The following EIF3F variants were observed in gnomAD, a reference collection of about 807,000 sequenced individuals.
EIF3F encodes eukaryotic translation initiation factor 3 subunit F, also known as deubiquitinating enzyme eIF3f.
EIF3F carries 8 observed loss-of-function variants against 36.0 expected under a neutral mutation model. The observed-to-expected ratio is 0.22, with a 90% CI of 0.13 to 0.40. The LOEUF (loss-of-function observed/expected upper bound fraction) is 0.40, where lower values mean the gene tolerates loss of function less well. Ranked by LOEUF, EIF3F falls within the 10% of genes least tolerant of loss-of-function variation. The pLI is 1.00. For missense variants in EIF3F, 430 were observed against 467.6 expected (o/e 0.92, Z 0.74); for synonymous variants, 184 against 188.5 (o/e 0.98, Z 0.19).
rs561835481 is a variant in EIF3F at position 7,995,642 on chromosome 11, T to A, written c.996+275T>A. 4.0e-4 allele frequency: 234 copies of A among 581,200 alleles called. 4 individuals are homozygous for A. The South Asian group carries it at 4.8e-3, about 12-fold the overall frequency. 36.0% of individuals were successfully genotyped at this position (581,200 alleles called of 1,614,324 possible). A position where few individuals can be genotyped will look rare whatever the true frequency, so the allele number is the denominator to read the frequency against. ...TCGTGATGGAAAGAAACACTAAAAT[T>A]CAGAGGTTAATGAAAATGCAATTAC... On this transcript the variant is annotated intron_variant, in intron 7 of 7. Coordinates refer to ENST00000651655, the MANE Select transcript of EIF3F (RefSeq NM_003754.3).
chr11:7,993,956 A>G (rs532076259), intron 4 of EIF3F, among the ~76,000 whole-genome samples: 20 of 146,692 alleles, frequency 1.4e-4, no homozygotes, highest in African/African-American at 4.4e-4. Flanking sequence ...ATCCAGGTAT[A>G]TAATTGACAT....
chr11:7,987,624 T>G lies in EIF3F; in HGVS notation c.272T>G (p.Val91Gly), dbSNP rs1444777685. The G allele has an allele frequency of 7.0e-6, 11 of 1,580,940 alleles. No homozygotes were observed. Among genetic ancestry groups the G allele is most frequent in the Non-Finnish European group, 8.6e-6 (10 of 1,162,020 alleles). ...CCAGGGCCCTTCCCCGGCGGCCGCG[T>G]GGTCAGGCTGCACCCAGTCATTTTG... Reference protein sequence around the residue: ...ALPGPFPGGRVVRLHPVILAS... With the variant: ...ALPGPFPGGRGVRLHPVILAS... The change falls in exon 1 of 8, where the codon GTG becomes GGG. Residue 91 changes from valine (V) to glycine (G), a missense_variant. Val to Gly is a moderately radical substitution (Grantham distance 109). Transcript: ENST00000651655.
Position 8,000,683 on chromosome 11 carries a change from A to G in EIF3F, c.*4661A>G, listed in dbSNP as rs1942211938. On this transcript the variant is annotated 3_prime_UTR_variant, in exon 8 of 8. Coordinates refer to ENST00000651655, the MANE Select transcript of EIF3F (RefSeq NM_003754.3). ...AGATATCAGAATTCTAGAATATGAT[A>G]AAGTTGTGTTTTCAAGCAAGTAAAG... The G allele has an allele frequency of 6.6e-6, 1 of 152,234 alleles. No individual in the cohort carries two copies. 9.4% of individuals were successfully genotyped at this position (152,234 alleles called of 1,614,324 possible). A position where few individuals can be genotyped will look rare whatever the true frequency, so the allele number is the denominator to read the frequency against.
Position 7,999,611 on chromosome 11 carries a change from A to G in EIF3F, c.*3589A>G, listed in dbSNP as rs983556887. The G allele has an allele frequency of 7.2e-5, 11 of 152,244 alleles. No individual in the cohort carries two copies. Among genetic ancestry groups the G allele is most frequent in the African/African-American group, 2.4e-4 (10 of 41,458 alleles). The allele number at this position is 152,244 out of a possible 1,614,324, so 9.4% of individuals were successfully genotyped here. ...ATTATAGAACTGTGTAATTAAAGCA[A>G]TATGGTACTGGTCCATAAAAGAACA... On this transcript the variant is annotated 3_prime_UTR_variant, in exon 8 of 8. Transcript: ENST00000651655.
At chr11:7,994,235 T>G (rs2133673334) in intron 4 of EIF3F, among the ~76,000 whole-genome samples, 191 bp from the exon 5 acceptor site, 1 of 152,284 alleles carries the variant, frequency 6.6e-6, no homozygotes, top group South Asian at 2.1e-4. Context: ...GATCAAGGGT[T>G]TGGTATGTGG....
intron 4 of EIF3F, among the ~76,000 whole-genome samples, chr11:7,994,046 T>C (rs1291932965): frequency 1.3e-5 from 2 of 152,184 alleles, no homozygotes; most frequent in African/African-American, 2.4e-5. Flanking sequence ...CCTTTTTCAA[T>C]GCTGATGAAG....
At chr11:7,989,498 G>A (rs1246043157) in intron 1 of EIF3F, among the ~76,000 whole-genome samples, 6 of 152,108 alleles carry the variant, frequency 3.9e-5, no homozygotes, top group African/African-American at 1.4e-4. Context: ...TATTTCCTTA[G>A]ATATACACAA....
At position 7,998,469 on chromosome 11, in the gene EIF3F, T is replaced by A. The variant is rs1942186905; in HGVS notation, c.*2447T>A. On this transcript the variant is annotated 3_prime_UTR_variant, in exon 8 of 8. Coordinates refer to ENST00000651655, the MANE Select transcript of EIF3F (RefSeq NM_003754.3). ...CACAAAAATGCAAAAGACATGGCAC[T>A]AAATAGACTGAAAAGGATACTTGTT... 6.6e-6 allele frequency: 1 copy of A among 152,176 alleles called. No homozygotes were observed. Among genetic ancestry groups the A allele is most frequent in the Admixed American group, 6.5e-5 (1 of 15,272 alleles). The allele number at this position is 152,176 out of a possible 1,614,324, so 9.4% of individuals were successfully genotyped here. A position where few individuals can be genotyped will look rare whatever the true frequency, so the allele number is the denominator to read the frequency against.
In EIF3F at chr11:7,993,104, C is replaced by T. The variant is rs181448105; in HGVS notation, c.653+80C>T. ...CCCCCACCCCAAGCAAGGTTAATTC[C>T]TTCCATGTGTAACTTGCTGTGTCCT... On this transcript the variant is annotated intron_variant, in intron 4 of 7. Transcript: ENST00000651655. The T allele has an allele frequency of 2.1e-6, 3 of 1,460,744 alleles. No homozygotes were observed. The East Asian group carries it at 7.4e-5, about 36-fold the overall frequency. 90.5% of individuals were successfully genotyped at this position (1,460,744 alleles called of 1,614,324 possible). A position where few individuals can be genotyped will look rare whatever the true frequency, so the allele number is the denominator to read the frequency against.
At chr11:7,989,122 C>T (rs1441832855) in intron 1 of EIF3F, among the ~76,000 whole-genome samples, 2 of 152,220 alleles carry the variant, frequency 1.3e-5, no homozygotes, top group Non-Finnish European at 2.9e-5. Flanking sequence ...GGTCCTCCAT[C>T]CCATACCCGG....
chr11:7,995,810 T>C (rs149521747), intron 7 of EIF3F, 135 bp from the exon 8 acceptor site: 7 of 743,540 alleles, frequency 9.4e-6, no homozygotes, highest in Admixed American at 4.1e-5. Context: ...TTTTGACTTT[T>C]ATTCAGTCTC....
At chr11:7,987,764 A>T (rs891175947) in intron 1 of EIF3F, 48 bp downstream of exon 1, 1 of 1,444,372 alleles carries the variant, frequency 6.9e-7, no homozygotes, top group African/African-American at 1.5e-5. Context: ...CCCACTTCTC[A>T]TTTATCTCAC....
chr11:7,994,693 T>C (rs1942141398), intron 5 of EIF3F, 176 bp downstream of exon 5: 4 of 705,940 alleles, frequency 5.7e-6, no homozygotes, highest in Non-Finnish European at 9.3e-6. Flanking sequence ...AAGGAGTTAT[T>C]TGAGAAACTG....
chr11:7,996,214 A>G lies in EIF3F; in HGVS notation c.*192A>G, dbSNP rs1942157988. The G allele has an allele frequency of 3.6e-6, 2 of 551,458 alleles. No homozygotes were observed. The highest frequency in any genetic ancestry group is 6.3e-5 in the Admixed American group (2 of 31,534). 34.2% of individuals were successfully genotyped at this position (551,458 alleles called of 1,614,324 possible). On this transcript the variant is annotated 3_prime_UTR_variant, in exon 8 of 8. Transcript: ENST00000651655. ...TTATTGCCGGGTGGAAGGGAGGAAA[A>G]TGTTTTAGATCACACAGAAACTAGG...
chr11:8,001,784 A>G lies in EIF3F; in HGVS notation c.*5762A>G, dbSNP rs1942225029. 6.6e-6 allele frequency: 1 copy of G among 152,236 alleles called. No individual in the cohort carries two copies. Among genetic ancestry groups the G allele is most frequent in the South Asian group, 2.1e-4 (1 of 4,838 alleles). The allele number at this position is 152,236 out of a possible 1,614,324, so 9.4% of individuals were successfully genotyped here. On this transcript the variant is annotated 3_prime_UTR_variant, in exon 8 of 8. Transcript: ENST00000651655. ...TTACTTCTTATTGTTTCTTCTGTATAACTTTTGAATTTTATGCTGTTAATG... is the reference window on the plus strand; with the variant it reads ...TTACTTCTTATTGTTTCTTCTGTATGACTTTTGAATTTTATGCTGTTAATG...
chr11:7,991,880 C>T (rs758652319), intron 2 of EIF3F, 29 bp downstream of exon 2: 4 of 1,613,274 alleles, frequency 2.5e-6, no homozygotes, highest in Admixed American at 1.7e-5. Flanking sequence ...TGTCCCTCTG[C>T]AGTTTTTAGC....
At chr11:7,994,359 C>A in intron 4 of EIF3F, 67 bp from the exon 5 acceptor site, 2 of 1,399,186 alleles carry the variant, frequency 1.4e-6, no homozygotes, top group Non-Finnish European at 2.0e-6. Context: ...TCTGCTTTCT[C>A]AGCCCAGAAT....
rs1299837588 is a variant in EIF3F at position 7,997,139 on chromosome 11, A to T, written c.*1117A>T. The T allele has an allele frequency of 6.6e-6, 1 of 152,242 alleles. No homozygotes were observed. Among genetic ancestry groups the T allele is most frequent in the Non-Finnish European group, 1.5e-5 (1 of 68,040 alleles). The allele number at this position is 152,242 out of a possible 1,614,324, so 9.4% of individuals were successfully genotyped here. ...TACCTCAGGAAATATAAGTTATGGG[A>T]GTCATAAAGTGTGGATAGTAATGAT... On this transcript the variant is annotated 3_prime_UTR_variant, in exon 8 of 8. Coordinates refer to ENST00000651655, the MANE Select transcript of EIF3F (RefSeq NM_003754.3).
intron 2 of EIF3F, 60 bp downstream of exon 2, chr11:7,991,911 C>G (rs1272974999): frequency 1.3e-6 from 2 of 1,582,362 alleles, no homozygotes; most frequent in East Asian, 2.2e-5. Context: ...CTCGGCTCCC[C>G]TCACGGTCCC....
Sources: gnomAD v4.1 joint callset for allele counts (sites outside exome capture counted in the v4.1 genomes callset) on GRCh38, gnomAD v4.1.1 for gene constraint, MANE v1.5 for transcripts, NCBI Gene and HGNC (gene_info 2026-07-23, HGNC 2026-07-21) for gene names.